Variants in LAMA2 observed in about 807,000 individuals in gnomAD.
LAMA2 encodes laminin subunit alpha 2.
In LAMA2, 269 loss-of-function variants were observed where a neutral mutation model predicts 364.8. The observed-to-expected ratio is 0.74, with a 90% CI of 0.67 to 0.82. LAMA2 has a LOEUF of 0.82. Among genes scored for constraint, LAMA2 ranks in the 40% least tolerant of loss-of-function variants. The pLI, the probability that LAMA2 is intolerant of heterozygous loss-of-function variation, is 0.00. For missense variants in LAMA2, 3,807 were observed against 3,873.2 expected, an observed-to-expected ratio of 0.98 and a Z score of 0.45; for synonymous variants, 1,379 against 1,370.6, an observed-to-expected ratio of 1.01 and a Z score of -0.14.
chr6:129,047,797 T>C (rs1250726981), intron 1 of LAMA2, among the ~76,000 whole-genome samples: 1 of 152,240 alleles, frequency 6.6e-6, no homozygotes, highest in African/African-American at 2.4e-5. Flanking sequence ...CATACTCTAA[T>C]AATCAAATAT....
intron 62 of LAMA2, among the ~76,000 whole-genome samples, chr6:129,509,805 T>C (rs772815232): frequency 6.6e-5 from 10 of 152,290 alleles, no homozygotes; most frequent in Non-Finnish European, 1.3e-4. Flanking sequence ...CCAATTTTGT[T>C]CCTTTTGCAT....
intron 1 of LAMA2, among the ~76,000 whole-genome samples, chr6:128,983,375 A>T (rs547862329): frequency 2.0e-3 from 310 of 152,078 alleles, no homozygotes; most frequent in African/African-American, 7.1e-3. Flanking sequence ...GATGGTGAGC[A>T]TTTTTTCATG....
chr6:129,070,381 C>T (rs1222915597), intron 3 of LAMA2, among the ~76,000 whole-genome samples: 1 of 152,032 alleles, frequency 6.6e-6, no homozygotes, highest in Non-Finnish European at 1.5e-5. Context: ...CTCAAAAATG[C>T]TTTAATTACT....
chr6:129,509,903 A>G (rs570687190), intron 62 of LAMA2, among the ~76,000 whole-genome samples: 23 of 152,168 alleles, frequency 1.5e-4, no homozygotes, highest in African/African-American at 5.5e-4. Flanking sequence ...TTTAATAGGG[A>G]TTATATTAAA....
rs1371610402 is a variant in LAMA2, at chr6:129,192,829, G to A, written c.1758G>A (p.Ala586=). Residue 586 remains alanine, a synonymous_variant, in exon 12 of 65, where the codon GCG becomes GCA. Transcript: ENST00000421865. Reference sequence around the variant, plus strand: ...TGCCGCACAGCTACTACTGGAGCGCGCCGGCTCCCTATCTGGGAAACAAAG... The same window carrying A: ...TGCCGCACAGCTACTACTGGAGCGCACCGGCTCCCTATCTGGGAAACAAAG... ...QALPHSYYWS[A]PAPYLGNKLP... The A allele has an allele frequency of 3.1e-6, 5 of 1,613,870 alleles. No homozygotes were observed. The highest frequency in any genetic ancestry group is 2.2e-5 in the East Asian group (1 of 44,892).
intron 63 of LAMA2, 64 bp from the exon 64 acceptor site, chr6:129,514,309 T>C (rs1340151481): frequency 8.8e-7 from 1 of 1,134,966 alleles, no homozygotes; most frequent in East Asian, 2.4e-5. Flanking sequence ...CATTTGTATG[T>C]GTGAACCATC....
intron 1 of LAMA2, among the ~76,000 whole-genome samples, chr6:128,923,510 T>G (rs944796599): frequency 2.0e-5 from 3 of 152,086 alleles, no homozygotes; most frequent in Non-Finnish European, 4.4e-5. Flanking sequence ...ATGGCAGTCC[T>G]AGAAAACTAA....
At chr6:129,509,392 C>T (rs541560493) in intron 62 of LAMA2, among the ~76,000 whole-genome samples, 71 of 152,192 alleles carry the variant, frequency 4.7e-4, no homozygotes, top group African/African-American at 1.6e-3. Context: ...ACTTTGGTTG[C>T]CTGTGCTTGT....
chr6:128,926,714 A>C (rs1369012003), intron 1 of LAMA2, among the ~76,000 whole-genome samples: 1 of 152,192 alleles, frequency 6.6e-6, no homozygotes, highest in Non-Finnish European at 1.5e-5. Context: ...TCTGAGATAA[A>C]TTCAGGAAAT....
chr6:129,343,648 AATTG>A (rs966236288), intron 30 of LAMA2, among the ~76,000 whole-genome samples: 50 of 152,304 alleles, frequency 3.3e-4, no homozygotes, highest in African/African-American at 1.2e-3. Flanking sequence ...TTTAATAATT[AATTG>A]ATAATTCCCT....
chr6:128,940,236 C>T (rs2114539268), intron 1 of LAMA2, among the ~76,000 whole-genome samples: 1 of 152,226 alleles, frequency 6.6e-6, no homozygotes, highest in African/African-American at 2.4e-5. Flanking sequence ...TCAAATATTA[C>T]TTCCTTAGGG....
chr6:129,030,989 A>G (rs781369055), intron 1 of LAMA2, among the ~76,000 whole-genome samples: 14 of 152,200 alleles, frequency 9.2e-5, no homozygotes, highest in Non-Finnish European at 1.9e-4. Context: ...AATATCTGAG[A>G]GTTTATATGT....
chr6:129,391,696 T>C, intron 36 of LAMA2, 43 bp downstream of exon 36: 1 of 1,548,380 alleles, frequency 6.5e-7, no homozygotes, highest in Non-Finnish European at 8.9e-7. Flanking sequence ...CAAACTGAGA[T>C]TTCCAGATAA....
chr6:129,492,047 G>A lies in LAMA2; in HGVS notation c.8045G>A (p.Gly2682Asp). ...SPLRNIPPFE[G>D]CIWNLVINSV... Reference sequence around the variant, plus strand: ...CTCAGAAATATTCCTCCTTTTGAAGGCTGCATATGGAATCTTGTTATTAAC... The same window carrying A: ...CTCAGAAATATTCCTCCTTTTGAAGACTGCATATGGAATCTTGTTATTAAC... The change falls in exon 57 of 65, where the codon GGC (glycine) becomes GAC (aspartate). Residue 2682 changes from glycine (G) to aspartate (D), a missense_variant. By Grantham distance (94) the Gly-to-Asp change is moderately conservative (BLOSUM62 -1). Transcript: ENST00000421865. The A allele has an allele frequency of 6.2e-7, 1 of 1,613,948 alleles. No individual in the cohort carries two copies. Among genetic ancestry groups the A allele is most frequent in the Non-Finnish European group, 8.5e-7 (1 of 1,179,914 alleles).
chr6:129,405,581 A>G (rs1780207623), intron 40 of LAMA2, among the ~76,000 whole-genome samples: 1 of 152,150 alleles, frequency 6.6e-6, no homozygotes, highest in African/African-American at 2.4e-5. Flanking sequence ...AATGTCTGAA[A>G]AATTACAAAA....
chr6:128,983,687 T>C (rs913895912), intron 1 of LAMA2, among the ~76,000 whole-genome samples: 3 of 152,192 alleles, frequency 2.0e-5, no homozygotes, highest in African/African-American at 7.2e-5. Context: ...CTGACATGGG[T>C]AACAGCTGCT....
rs1214826895 is a variant in LAMA2 at position 128,962,185 on chromosome 6, T to TATATACACACACAC, written c.112+78829_112+78830insTATACACACACACA. Among the ~76,000 whole-genome samples the TATATACACACACAC allele has an allele frequency of 1.9e-4, 20 of 103,922 alleles. 1 individual carries two copies. Among genetic ancestry groups the TATATACACACACAC allele is most frequent in the African/African-American group, 7.0e-4 (19 of 26,966 alleles). The allele number at this position is 103,922 out of a possible 152,430, so 68.2% of individuals were successfully genotyped here. The stretch of plus-strand genomic sequence containing the variant: ...ATATATATATATATATATATATATA[T>TATATACACACACAC]ACACACATACACACACACATACACA... On this transcript the variant is annotated intron_variant, in intron 1 of 64. Coordinates refer to ENST00000421865, the MANE Select transcript of LAMA2 (RefSeq NM_000426.4).
chr6:129,432,241 C>A (rs1236192065), intron 41 of LAMA2, among the ~76,000 whole-genome samples: 1 of 152,106 alleles, frequency 6.6e-6, no homozygotes. Context: ...TTGATTCCTC[C>A]TTTAGAGTGT....
intron 41 of LAMA2, among the ~76,000 whole-genome samples, chr6:129,434,485 A>G (rs959091140): frequency 6.6e-6 from 1 of 152,156 alleles, no homozygotes; most frequent in African/African-American, 2.4e-5. Flanking sequence ...GGCTTCTGTT[A>G]TTGGGTTTGA....
Sources: allele counts gnomAD v4.1 joint callset (sites outside exome capture counted in the v4.1 genomes callset), GRCh38; gene constraint gnomAD v4.1.1; transcripts MANE v1.5; gene names NCBI Gene and HGNC (gene_info 2026-07-23, HGNC 2026-07-21).